The following TENM3 variants were observed in gnomAD, a reference collection of about 807,000 sequenced individuals.
TENM3 encodes the protein teneurin-3.
In TENM3, 63 loss-of-function variants were observed where a neutral mutation model predicts 255.1. That is an observed-to-expected ratio of 0.25 (90% confidence interval 0.20 to 0.30). TENM3 has a LOEUF of 0.30. Among genes scored for constraint, TENM3 ranks in the 10% least tolerant of loss-of-function variants. The pLI is 1.00. For missense variants in TENM3, 2,929 were observed against 3,461.1 expected, an observed-to-expected ratio of 0.85 and a Z score of 3.86; for synonymous variants, 1,306 against 1,322.3, an observed-to-expected ratio of 0.99 and a Z score of 0.27.
the TENM3 span, among the ~76,000 whole-genome samples, chr4:181,827,290 T>C: frequency 6.6e-6 from 1 of 152,166 alleles, no homozygotes; most frequent in Non-Finnish European, 1.5e-5. Context: ...TAATATACTT[T>C]GTAAGATTTT....
chr4:182,321,754 G>A (rs191415864), intron 1 of TENM3, among the ~76,000 whole-genome samples: 5 of 152,076 alleles, frequency 3.3e-5, no homozygotes, highest in Admixed American at 3.3e-4. Context: ...GGCCATCCTG[G>A]CTAACATGGT....
chr4:182,493,651 G>A (rs1735502309), intron 3 of TENM3, among the ~76,000 whole-genome samples: 1 of 152,146 alleles, frequency 6.6e-6, no homozygotes, highest in Non-Finnish European at 1.5e-5. Flanking sequence ...CATTAAGGGT[G>A]TGAGGGTCAT....
At chr4:182,544,433 C>A (rs973355269) in intron 3 of TENM3, among the ~76,000 whole-genome samples, 3 of 145,244 alleles carry the variant, frequency 2.1e-5, no homozygotes, top group African/African-American at 7.6e-5. Context: ...CGGGTTCAAG[C>A]GACTCTCCTA....
chr4:181,802,004 G>A, the TENM3 span, among the ~76,000 whole-genome samples: 1 of 152,072 alleles, frequency 6.6e-6, no homozygotes, highest in Non-Finnish European at 1.5e-5. Context: ...TTGTCTTAAA[G>A]AAGATTCAGT....
intron 5 of TENM3, among the ~76,000 whole-genome samples, chr4:182,637,252 A>G (rs1295888740): frequency 2.6e-5 from 4 of 152,258 alleles, no homozygotes; most frequent in Admixed American, 2.0e-4. Flanking sequence ...CAAATATCAA[A>G]GGTTTCATCC....
intron 6 of TENM3, among the ~76,000 whole-genome samples, chr4:182,662,609 G>T (rs10428431): frequency 0.88 from 134,219 of 152,136 alleles, 59,326 homozygotes; most frequent in East Asian, 0.95. Context: ...GCTTTATGGA[G>T]GTAGTGATCT....
intron 3 of TENM3, among the ~76,000 whole-genome samples, chr4:182,363,640 G>A (rs1468368881): frequency 6.6e-6 from 1 of 151,818 alleles, no homozygotes; most frequent in Non-Finnish European, 1.5e-5. Context: ...TATACAAAAG[G>A]TAACCATAAA....
intron 7 of TENM3, among the ~76,000 whole-genome samples, chr4:182,677,468 C>T (rs1268383787): frequency 6.6e-6 from 1 of 152,112 alleles, no homozygotes; most frequent in African/African-American, 2.4e-5. Context: ...TAAAAAGAAA[C>T]TTTTTCTTGT....
At chr4:182,604,406 GCTCA>G (rs1375398556) in intron 4 of TENM3, among the ~76,000 whole-genome samples, 1 of 152,248 alleles carries the variant, frequency 6.6e-6, no homozygotes, top group East Asian at 1.9e-4. Context: ...TTTTCTTTGA[GCTCA>G]CTATTTGTTA....
the TENM3 span, among the ~76,000 whole-genome samples, chr4:182,136,379 T>G: frequency 0.025 from 3,866 of 152,218 alleles, 144 homozygotes; most frequent in African/African-American, 0.088. Context: ...TTTCAAGCAG[T>G]TCTGATTCTT....
the TENM3 span, among the ~76,000 whole-genome samples, chr4:181,759,728 G>GTA: frequency 7.3e-6 from 1 of 136,114 alleles, no homozygotes; most frequent in Admixed American, 7.1e-5. Flanking sequence ...CAACAGATGT[G>GTA]TGTGTGTGTG....
In TENM3 at chr4:182,199,428, C is replaced by G. The variant is rs1161850830; in HGVS notation, c.-76+54674C>G. On this transcript the variant is annotated intron_variant, in intron 1 of 2. Transcript: ENST00000512480. The stretch of plus-strand genomic sequence containing the variant: ...CAGGGCCAGACTCCATCTCAAAAAA[C>G]AAAAAAAAGAAGAAACATTGCCTAT... Among the ~76,000 whole-genome samples, 7 of 151,656 alleles carry G rather than the reference C, an allele frequency of 4.6e-5. No homozygotes were observed. The East Asian group carries it at 7.8e-4, about 17-fold the overall frequency.
chr4:181,621,263 T>C, the TENM3 span, among the ~76,000 whole-genome samples: 1 of 152,206 alleles, frequency 6.6e-6, no homozygotes, highest in African/African-American at 2.4e-5. Context: ...CCCTGTAAAG[T>C]GCATGTTAAA....
chr4:181,682,650 C>G, the TENM3 span, among the ~76,000 whole-genome samples: 10 of 152,010 alleles, frequency 6.6e-5, no homozygotes, highest in Non-Finnish European at 1.3e-4. Context: ...ACATGGAATA[C>G]CATCAGACTT....
At chr4:182,451,812 T>TA (rs1392799900) in intron 3 of TENM3, among the ~76,000 whole-genome samples, 1 of 152,238 alleles carries the variant, frequency 6.6e-6, no homozygotes, top group African/African-American at 2.4e-5. Context: ...GATCAGCAAT[T>TA]AAGAGACTGG....
the TENM3 span, among the ~76,000 whole-genome samples, chr4:181,681,556 T>C: frequency 6.6e-6 from 1 of 152,140 alleles, no homozygotes; most frequent in Non-Finnish European, 1.5e-5. Context: ...TAAGTAACTT[T>C]ACAATAAAGT....
the TENM3 span, among the ~76,000 whole-genome samples, chr4:181,928,665 C>T: frequency 6.6e-6 from 1 of 151,980 alleles, no homozygotes; most frequent in Admixed American, 6.6e-5. Context: ...TATTCAAACT[C>T]AGGAAATAAA....
chr4:181,530,959 C>T, the TENM3 span, among the ~76,000 whole-genome samples: 1 of 151,994 alleles, frequency 6.6e-6, no homozygotes, highest in African/African-American at 2.4e-5. Context: ...TCTGCTACTT[C>T]CTTTTTTTTA....
At chr4:181,910,037 T>C in the TENM3 span, among the ~76,000 whole-genome samples, 1 of 152,212 alleles carries the variant, frequency 6.6e-6, no homozygotes, top group Non-Finnish European at 1.5e-5. Flanking sequence ...CTCTTGCTAC[T>C]TTTATAAAGA....
Sources: allele counts gnomAD v4.1 joint callset (sites outside exome capture counted in the v4.1 genomes callset), GRCh38; gene constraint gnomAD v4.1.1; transcripts MANE v1.5; gene names NCBI Gene and HGNC (gene_info 2026-07-23, HGNC 2026-07-21).